Variants in KIF16B observed in about 807,000 individuals in gnomAD.
KIF16B encodes the protein kinesin-like protein KIF16B.
KIF16B carries 98 observed loss-of-function variants against 156.3 expected under a neutral mutation model. That is an observed-to-expected ratio of 0.63 (90% CI 0.53 to 0.74). The LOEUF (loss-of-function observed/expected upper bound fraction) is 0.74, where lower values mean the gene tolerates loss of function less well. Ranked by LOEUF, KIF16B falls within the 30% of genes least tolerant of loss-of-function variation. The pLI is 0.00. For missense variants in KIF16B, 1,421 were observed against 1,606.5 expected, an observed-to-expected ratio of 0.88 and a Z score of 1.97; for synonymous variants, 564 against 583.7, an observed-to-expected ratio of 0.97 and a Z score of 0.49.
At chr20:16,483,917 G>A (rs944390056) in intron 12 of KIF16B, among the ~76,000 whole-genome samples, 1 of 152,162 alleles carries the variant, frequency 6.6e-6, no homozygotes, top group African/African-American at 2.4e-5. Context: ...TCTATGTCAT[G>A]AAATTGTGTT....
chr20:16,291,444 C>A (rs1035926757), intron 25 of KIF16B, among the ~76,000 whole-genome samples: 4 of 152,134 alleles, frequency 2.6e-5, no homozygotes, highest in Admixed American at 6.5e-5. Context: ...ACCAAATGAG[C>A]CTGAAAACTA....
At chr20:16,279,446 A>G (rs964021570) in intron 25 of KIF16B, among the ~76,000 whole-genome samples, 2 of 152,290 alleles carry the variant, frequency 1.3e-5, no homozygotes, top group East Asian at 3.9e-4. Context: ...GAATGATTCC[A>G]TCTGTTTACT....
intron 15 of KIF16B, 77 bp downstream of exon 15, chr20:16,427,027 C>T: frequency 1.6e-6 from 2 of 1,247,394 alleles, no homozygotes; most frequent in Non-Finnish European, 2.2e-6. Flanking sequence ...CTAAGATGCA[C>T]ATGTTCCCCC....
intron 15 of KIF16B, among the ~76,000 whole-genome samples, chr20:16,420,375 A>G (rs1012905): frequency 0.48 from 73,147 of 152,022 alleles, 18,349 homozygotes; most frequent in East Asian, 0.77. Context: ...GCATTCACAT[A>G]TATGGTAAGT....
At chr20:16,515,720 C>G in intron 3 of KIF16B, 56 bp from the exon 4 acceptor site, 1 of 913,582 alleles carries the variant, frequency 1.1e-6, no homozygotes, top group Non-Finnish European at 1.8e-6. Context: ...TTAATAATAG[C>G]CCCTTCAGTG....
chr20:16,404,714 G>A (rs1412179450), intron 17 of KIF16B, 99 bp downstream of exon 17: 18 of 872,574 alleles, frequency 2.1e-5, no homozygotes, highest in Middle Eastern at 2.2e-4. Flanking sequence ...AGGAGGCGCC[G>A]TTGCAGAAGT....
chr20:16,544,180 T>C lies in KIF16B; in HGVS notation c.48-15740A>G, dbSNP rs76098888. Among the ~76,000 whole-genome samples the C allele has an allele frequency of 4.0e-3, 609 of 152,266 alleles. 10 individuals are homozygous for C. Among genetic ancestry groups the C allele is most frequent in the East Asian group, 0.037 (191 of 5,160 alleles). ...CGACCCAGAGGCACCCAGGCTCCCCTGTCCCATTCCAAACTGTTCCTTCTT... is the reference window on the plus strand; with the variant it reads ...CGACCCAGAGGCACCCAGGCTCCCCCGTCCCATTCCAAACTGTTCCTTCTT... On this transcript the variant is annotated intron_variant, in intron 1 of 25. Transcript: ENST00000354981.
intron 12 of KIF16B, among the ~76,000 whole-genome samples, chr20:16,434,563 G>C (rs1371559796): frequency 6.6e-6 from 1 of 152,134 alleles, no homozygotes; most frequent in Non-Finnish European, 1.5e-5. Context: ...GAAAAAACTG[G>C]GAAAAGTTTG....
intron 24 of KIF16B, among the ~76,000 whole-genome samples, chr20:16,313,372 C>G (rs999107691): frequency 1.3e-5 from 2 of 152,152 alleles, no homozygotes; most frequent in African/African-American, 4.8e-5. Flanking sequence ...TATATTGCCA[C>G]AGTGGGAGTC....
chr20:16,383,662 G>A (rs1057342764), intron 17 of KIF16B, among the ~76,000 whole-genome samples: 3 of 152,064 alleles, frequency 2.0e-5, no homozygotes, highest in Non-Finnish European at 4.4e-5. Flanking sequence ...ATTCCAAGTT[G>A]GTATCTTCAT....
At chr20:16,363,601 G>A (rs2064595520) in intron 22 of KIF16B, among the ~76,000 whole-genome samples, 1 of 152,204 alleles carries the variant, frequency 6.6e-6, no homozygotes, top group African/African-American at 2.4e-5. Context: ...CATGTGACTT[G>A]TGTTGGCCAA....
At chr20:16,553,811 G>A (rs2070748663) in intron 1 of KIF16B, among the ~76,000 whole-genome samples, 1 of 134,628 alleles carries the variant, frequency 7.4e-6, no homozygotes, top group East Asian at 2.1e-4. Flanking sequence ...ATGCTCCACA[G>A]AGCCAGCAGG....
chr20:16,403,228 A>C (rs890291265), intron 17 of KIF16B, among the ~76,000 whole-genome samples: 1 of 152,206 alleles, frequency 6.6e-6, no homozygotes, highest in African/African-American at 2.4e-5. Context: ...ATTTAACTAG[A>C]CAAACAATAT....
intron 24 of KIF16B, among the ~76,000 whole-genome samples, chr20:16,331,341 G>T (rs1200976825): frequency 6.6e-6 from 1 of 152,128 alleles, no homozygotes; most frequent in Non-Finnish European, 1.5e-5. Flanking sequence ...AGGAGACCAC[G>T]GCTAAACTCC....
chr20:16,539,141 A>G (rs2070096099), intron 1 of KIF16B, among the ~76,000 whole-genome samples: 1 of 152,092 alleles, frequency 6.6e-6, no homozygotes, highest in Admixed American at 6.5e-5. Flanking sequence ...AAAAATTGGT[A>G]CCAAGCAGTA....
intron 12 of KIF16B, among the ~76,000 whole-genome samples, chr20:16,463,535 G>A (rs900176222): frequency 6.6e-5 from 10 of 151,884 alleles, no homozygotes; most frequent in African/African-American, 1.5e-4. Context: ...ATTCCAGAGC[G>A]CCACAGTTTT....
chr20:16,391,873 G>A (rs1427687369), intron 17 of KIF16B, among the ~76,000 whole-genome samples: 1 of 152,268 alleles, frequency 6.6e-6, no homozygotes, highest in Admixed American at 6.5e-5. Context: ...TATCCTGAGG[G>A]CTTTCTGTAA....
At chr20:16,492,134 G>C (rs2068312904) in intron 12 of KIF16B, among the ~76,000 whole-genome samples, 1 of 152,186 alleles carries the variant, frequency 6.6e-6, no homozygotes, top group African/African-American at 2.4e-5. Flanking sequence ...CTGCCACTGA[G>C]TTGGGGTGGG....
intron 17 of KIF16B, among the ~76,000 whole-genome samples, chr20:16,402,550 T>C (rs576741334): frequency 7.9e-5 from 12 of 152,264 alleles, no homozygotes; most frequent in Admixed American, 7.8e-4. Context: ...AAGTCAGGAA[T>C]AGCATCCACA....
Sources: gnomAD v4.1 joint callset for allele counts (sites outside exome capture counted in the v4.1 genomes callset) on GRCh38, gnomAD v4.1.1 for gene constraint, MANE v1.5 for transcripts, NCBI Gene and HGNC (gene_info 2026-07-23, HGNC 2026-07-21) for gene names.